The following COL4A4 variants were observed in gnomAD, a reference collection of about 807,000 sequenced individuals.
COL4A4 encodes the protein collagen alpha-4(IV) chain.
In COL4A4, 105 loss-of-function variants were observed where a neutral mutation model predicts 192.9. The observed-to-expected ratio is 0.54, with a 90% confidence interval of 0.46 to 0.64. The LOEUF (loss-of-function observed/expected upper bound fraction) is 0.64, where lower values mean the gene tolerates loss of function less well. COL4A4 is among the 30% of genes least tolerant of loss of function. The pLI, the probability that COL4A4 is intolerant of heterozygous loss-of-function variation, is 0.00. For missense variants in COL4A4, 1,967 were observed against 2,169.3 expected, an observed-to-expected ratio of 0.91 and a Z score of 1.85; for synonymous variants, 762 against 769.9, an observed-to-expected ratio of 0.99 and a Z score of 0.17.
chr2:227,101,233 C>A (rs983912798), intron 17 of COL4A4, among the ~76,000 whole-genome samples: 1 of 152,164 alleles, frequency 6.6e-6, no homozygotes, highest in Non-Finnish European at 1.5e-5. Flanking sequence ...CTTGCTCCTT[C>A]TTGCCTTCTG....
chr2:227,002,669 G>T (rs1320407), downstream of COL4A4: 66,445 of 152,440 alleles, frequency 0.44, 14,574 homozygotes, highest in South Asian at 0.58. Flanking sequence ...AAGTAAACCC[G>T]CATTGGCTTG....
At chr2:227,126,250 G>A (rs1157783411) in intron 4 of COL4A4, among the ~76,000 whole-genome samples, 2 of 152,184 alleles carry the variant, frequency 1.3e-5, no homozygotes, top group African/African-American at 4.8e-5. Context: ...TATCAGGGAC[G>A]TGAGTATCCA....
chr2:227,038,240 TG>T (rs1335876027), intron 37 of COL4A4, among the ~76,000 whole-genome samples: 2 of 152,230 alleles, frequency 1.3e-5, no homozygotes, highest in African/African-American at 4.8e-5. Context: ...AGTTAATTTT[TG>T]TATAAGGTGT....
chr2:227,059,543 A>T lies in COL4A4; in HGVS notation c.2245T>A (p.Ser749Thr). The change falls in exon 28 of 48, where the codon TCA (serine) becomes ACA (threonine). Residue 749 changes from serine (S) to threonine (T), a missense_variant. Transcript: ENST00000396625. ...SPVGPPGPPG[S>T]PGVNGQKGIP... Reference sequence around the variant, plus strand: ...CCTTTCTGACCATTCACTCCTGGTGAGCCGGGAGGGCCTGGGGGCCCAACA... The same window carrying T: ...CCTTTCTGACCATTCACTCCTGGTGTGCCGGGAGGGCCTGGGGGCCCAACA... 1 of 1,614,032 alleles carries T rather than the reference A, an allele frequency of 6.2e-7. No individual in the cohort carries two copies. The highest frequency in any genetic ancestry group is 8.5e-7 in the Non-Finnish European group (1 of 1,179,960).
the COL4A4 span, chr2:226,988,455 T>G: frequency 6.5e-7 from 1 of 1,549,020 alleles, no homozygotes; most frequent in South Asian, 1.2e-5. Flanking sequence ...TAAGGAATCC[T>G]TTGAGGCTGC....
In COL4A4 at chr2:227,088,689, T is replaced by C. The variant is rs769741366; in HGVS notation, c.1587A>G (p.Pro529=). 6 of 1,614,048 alleles carry C rather than the reference T, an allele frequency of 3.7e-6. No individual in the cohort carries two copies. The Admixed American group carries it at 8.3e-5, about 22-fold the overall frequency. Residue 529 remains proline, a synonymous_variant, in exon 22 of 48, where the codon CCA becomes CCG. Coordinates refer to ENST00000396625, the MANE Select transcript of COL4A4 (RefSeq NM_000092.5). The part of the protein sequence containing the change: ...LPGWLGTKGD[P]GPPGAEGPPG... ...GAGGTCCTTCAGCACCAGGAGGTCC[T>C]GGGTCACCTTTTGTTCCAAGCCAGC...
the COL4A4 span, among the ~76,000 whole-genome samples, chr2:226,968,659 C>T: frequency 1.1e-4 from 17 of 152,268 alleles, no homozygotes; most frequent in South Asian, 1.7e-3. Context: ...GCACTCTCTC[C>T]GAAACATGTG....
intron 43 of COL4A4, among the ~76,000 whole-genome samples, chr2:227,025,160 A>C (rs961795052): frequency 6.6e-6 from 1 of 152,258 alleles, no homozygotes; most frequent in Non-Finnish European, 1.5e-5. Context: ...TATTCACAGC[A>C]ATTTTCATTA....
At chr2:227,008,628 C>G (rs1962768575) in intron 46 of COL4A4, among the ~76,000 whole-genome samples, 1 of 152,166 alleles carries the variant, frequency 6.6e-6, no homozygotes, top group Non-Finnish European at 1.5e-5. Flanking sequence ...ACAACAAGCC[C>G]TAAGAATGAG....
intron 20 of COL4A4, among the ~76,000 whole-genome samples, chr2:227,091,343 G>A (rs1559598763): frequency 6.6e-6 from 1 of 151,252 alleles, no homozygotes; most frequent in South Asian, 2.1e-4. Context: ...TCAGGTGAAG[G>A]GTTGTAATGT....
intron 1 of COL4A4, among the ~76,000 whole-genome samples, chr2:227,161,344 A>G (rs1001468573): frequency 6.6e-6 from 1 of 152,260 alleles, no homozygotes; most frequent in Admixed American, 6.5e-5. Flanking sequence ...GTCAAAGACA[A>G]TAACCACTCA....
chr2:227,150,927 A>C (rs1365642481), intron 1 of COL4A4, among the ~76,000 whole-genome samples: 2 of 152,002 alleles, frequency 1.3e-5, no homozygotes, highest in Non-Finnish European at 2.9e-5. Context: ...TAACATCTTA[A>C]AACTTTCATC....
In COL4A4 at chr2:227,088,761, T is replaced by G. The variant is rs1243296591; in HGVS notation, c.1515A>C (p.Pro505=). 1 of 1,613,986 alleles carries G rather than the reference T, an allele frequency of 6.2e-7. No individual in the cohort carries two copies. Among genetic ancestry groups the G allele is most frequent in the Non-Finnish European group, 8.5e-7 (1 of 1,180,006 alleles). The stretch of plus-strand genomic sequence containing the variant: ...TACTCCCCTGCCTCCCAGGAAGTCC[T>G]GGAGGGCCAGGGGGGCCCATGGGTC... ...EPGPMGPPGP[P]GLPGRQGSKG... Residue 505 remains proline (P), a synonymous_variant, in exon 22 of 48, where the codon CCA becomes CCC. Coordinates refer to ENST00000396625, the MANE Select transcript of COL4A4 (RefSeq NM_000092.5).
chr2:227,106,134 T>C (rs554304271), intron 12 of COL4A4, among the ~76,000 whole-genome samples: 17 of 151,832 alleles, frequency 1.1e-4, no homozygotes, highest in African/African-American at 3.6e-4. Context: ...TGTTTTTTTT[T>C]CCTTGATTTA....
At chr2:227,051,762 CA>C (rs1974151471) in intron 32 of COL4A4, among the ~76,000 whole-genome samples, 1 of 152,124 alleles carries the variant, frequency 6.6e-6, no homozygotes, top group South Asian at 2.1e-4. Context: ...AACCTGAAAC[CA>C]GTATTTTATG....
chr2:227,106,754 C>T (rs946035546), intron 12 of COL4A4, among the ~76,000 whole-genome samples: 1 of 152,058 alleles, frequency 6.6e-6, no homozygotes, highest in Non-Finnish European at 1.5e-5. Context: ...TTAGCAGAGA[C>T]GGGGTTTCGC....
At chr2:227,119,861 T>C in intron 6 of COL4A4, 34 bp downstream of exon 6, 1 of 1,543,974 alleles carries the variant, frequency 6.5e-7, no homozygotes, top group Non-Finnish European at 8.8e-7. Flanking sequence ...TTCTGCCTTT[T>C]TGAAAAAAGT....
chr2:227,089,612 TAC>T (rs1553671289), intron 21 of COL4A4, among the ~76,000 whole-genome samples: 4 of 141,852 alleles, frequency 2.8e-5, no homozygotes, highest in East Asian at 2.1e-4. Flanking sequence ...TATATATACA[TAC>T]ATATATATAA....
intron 4 of COL4A4, among the ~76,000 whole-genome samples, chr2:227,127,506 C>A (rs1331723727): frequency 2.0e-5 from 3 of 152,180 alleles, no homozygotes; most frequent in Admixed American, 2.0e-4. Flanking sequence ...TGTCCCTTGT[C>A]GGTTGCCTAA....
Sources: allele counts gnomAD v4.1 joint callset (sites outside exome capture counted in the v4.1 genomes callset), GRCh38; gene constraint gnomAD v4.1.1; transcripts MANE v1.5; gene names NCBI Gene and HGNC (gene_info 2026-07-23, HGNC 2026-07-21).